The following DCLK1 variants were observed in gnomAD, a reference collection of about 807,000 sequenced individuals.
DCLK1 encodes doublecortin like kinase 1.
Under a neutral mutation model 86.2 loss-of-function variants are expected in DCLK1, and 16 were observed. The ratio of observed to expected loss-of-function variants is 0.19; its 90% CI spans 0.13 to 0.28. The LOEUF (loss-of-function observed/expected upper bound fraction) is 0.28. DCLK1 is among the 10% of genes least tolerant of loss of function. DCLK1 has a pLI of 1.00. For missense variants in DCLK1, 590 were observed against 940.2 expected (o/e 0.63, Z 4.87); for synonymous variants, 369 against 370.5 (o/e 1.00, Z 0.05).
intron 4 of DCLK1, among the ~76,000 whole-genome samples, chr13:35,906,566 A>G (rs1222207445): frequency 6.6e-6 from 1 of 152,160 alleles, no homozygotes; most frequent in African/African-American, 2.4e-5. Context: ...TGAAACCTTA[A>G]ATTATGTCCA....
In DCLK1 at chr13:35,929,409, G is replaced by A. The variant is rs187362460; in HGVS notation, c.823+17949C>T. ...ATAAATTCAAAAGCTTTATAACCTCGGTTCTCAATAGTTGGGCAGGGAGCT... is the reference window on the plus strand; with the variant it reads ...ATAAATTCAAAAGCTTTATAACCTCAGTTCTCAATAGTTGGGCAGGGAGCT... On this transcript the variant is annotated intron_variant, in intron 4 of 16. Coordinates refer to ENST00000360631, the MANE Select transcript of DCLK1 (RefSeq NM_001330071.2). 2.5e-4 allele frequency among the ~76,000 whole-genome samples: 38 copies of A among 152,240 alleles called. No individual in the cohort carries two copies. In the East Asian group the frequency reaches 5.2e-3, roughly 21 times the overall value.
intron 15 of DCLK1, chr13:35,805,467 T>C (rs1158073342): frequency 6.9e-6 from 3 of 437,446 alleles, no homozygotes; most frequent in Non-Finnish European, 1.2e-5. Context: ...CAGCTAATTT[T>C]TTGTATTTTT....
chr13:35,862,805 T>C (rs982315244), intron 5 of DCLK1, among the ~76,000 whole-genome samples: 2 of 152,194 alleles, frequency 1.3e-5, no homozygotes, highest in Non-Finnish European at 2.9e-5. Context: ...AATTTATAAA[T>C]CCTTTTCTCT....
intron 1 of DCLK1, among the ~76,000 whole-genome samples, chr13:36,127,045 T>A (rs1886211755): frequency 6.6e-6 from 1 of 151,956 alleles, no homozygotes; most frequent in Admixed American, 6.6e-5. Flanking sequence ...CATCATACAG[T>A]GAAAGAGAAG....
intron 10 of DCLK1, among the ~76,000 whole-genome samples, chr13:35,826,544 A>G (rs150746004): frequency 0.14 from 12,618 of 91,070 alleles, 3,032 homozygotes; most frequent in Non-Finnish European, 0.18. Context: ...AAAAAAAAAG[A>G]AAGAAAGAAA....
Position 35,829,427 on chromosome 13 carries a change from T to A in DCLK1, c.1230-1120A>T, listed in dbSNP as rs542076326. On this transcript the variant is annotated intron_variant, in intron 8 of 16. Transcript: ENST00000360631. Reference sequence around the variant, plus strand: ...ATAAAAGCCAATTTTGTGGATCCAATGGACACAAATAGTAATGAGGTTAAT... The same window carrying A: ...ATAAAAGCCAATTTTGTGGATCCAAAGGACACAAATAGTAATGAGGTTAAT... Among the ~76,000 whole-genome samples, 14 of 152,268 alleles carry A rather than the reference T, an allele frequency of 9.2e-5. No individual in the cohort carries two copies. In the South Asian group the frequency reaches 2.5e-3, roughly 27 times the overall value.
chr13:35,996,708 T>A (rs1180729963), intron 3 of DCLK1, among the ~76,000 whole-genome samples: 1 of 130,406 alleles, frequency 7.7e-6, no homozygotes, highest in South Asian at 2.4e-4. Context: ...TCTTTCCATA[T>A]ATATATATAC....
chr13:35,939,560 A>G (rs1211990624), intron 4 of DCLK1, among the ~76,000 whole-genome samples: 3 of 152,132 alleles, frequency 2.0e-5, no homozygotes, highest in African/African-American at 7.2e-5. Context: ...GTGCTCCACC[A>G]TGCCCAGTTA....
chr13:36,060,869 G>A (rs1926336), intron 3 of DCLK1, among the ~76,000 whole-genome samples: 100,561 of 151,950 alleles, frequency 0.66, 33,943 homozygotes, highest in East Asian at 0.99. Context: ...TGCCCCAACA[G>A]CCCCCAGAAT....
intron 4 of DCLK1, among the ~76,000 whole-genome samples, chr13:35,924,789 G>A (rs1876019350): frequency 6.6e-6 from 1 of 152,214 alleles, no homozygotes; most frequent in Non-Finnish European, 1.5e-5. Flanking sequence ...CTAAAAATCA[G>A]TGGCTCTGAC....
chr13:36,040,370 AATACCCT>A (rs139212209), intron 3 of DCLK1, among the ~76,000 whole-genome samples: 2,378 of 134,212 alleles, frequency 0.018, 84 homozygotes, highest in African/African-American at 0.061. Flanking sequence ...CCTCCATAGG[AATACCCT>A]GCAAATCTCT....
At chr13:35,799,961 G>C (rs2086886839) in intron 15 of DCLK1, among the ~76,000 whole-genome samples, 1 of 152,156 alleles carries the variant, frequency 6.6e-6, no homozygotes, top group Admixed American at 6.5e-5. Context: ...AGGAAACATA[G>C]TTGGGATAAT....
At chr13:36,089,887 C>T (rs950174661) in intron 3 of DCLK1, among the ~76,000 whole-genome samples, 2 of 152,196 alleles carry the variant, frequency 1.3e-5, no homozygotes, top group African/African-American at 4.8e-5. Flanking sequence ...TTTTACTCTC[C>T]TGGTGACTAA....
At chr13:35,951,334 G>A (rs761620179) in intron 3 of DCLK1, among the ~76,000 whole-genome samples, 23 of 151,418 alleles carry the variant, frequency 1.5e-4, no homozygotes, top group Non-Finnish European at 2.8e-4. Context: ...ATAGATGGAC[G>A]GATGGAAGAA....
intron 3 of DCLK1, among the ~76,000 whole-genome samples, chr13:36,090,290 C>T (rs1367591186): frequency 6.6e-6 from 1 of 152,230 alleles, no homozygotes; most frequent in Non-Finnish European, 1.5e-5. Context: ...TAAGGACGCA[C>T]ATCCTCTATT....
At chr13:35,899,973 G>T (rs9315373) in intron 4 of DCLK1, among the ~76,000 whole-genome samples, 92,399 of 152,000 alleles carry the variant, frequency 0.61, 30,731 homozygotes, top group Non-Finnish European at 0.75. Flanking sequence ...CCAAATCTAT[G>T]TACAGCTTTC....
chr13:36,093,828 TA>T, intron 3 of DCLK1, among the ~76,000 whole-genome samples: 1 of 152,328 alleles, frequency 6.6e-6, no homozygotes, highest in Admixed American at 6.5e-5. Context: ...TTGTGGAATA[TA>T]AAGACAAAGT....
intron 4 of DCLK1, among the ~76,000 whole-genome samples, chr13:35,930,428 C>T (rs967293548): frequency 2.0e-5 from 3 of 152,172 alleles, no homozygotes; most frequent in Non-Finnish European, 2.9e-5. Flanking sequence ...CTCTGTAGGA[C>T]TTGTTAAAAA....
chr13:35,947,055 A>T (rs901595099), intron 4 of DCLK1, among the ~76,000 whole-genome samples: 10 of 152,226 alleles, frequency 6.6e-5, no homozygotes, highest in African/African-American at 2.4e-4. Context: ...GTGAAAAAAA[A>T]ATTAAAAATG....
Sources: allele counts gnomAD v4.1 joint callset (sites outside exome capture counted in the v4.1 genomes callset), GRCh38; gene constraint gnomAD v4.1.1; transcripts MANE v1.5; gene names NCBI Gene and HGNC (gene_info 2026-07-23, HGNC 2026-07-21).